SPAG16: variants seen among roughly 807,000 people sequenced by gnomAD.
SPAG16 encodes the protein sperm associated antigen 16, also known as sperm-associated antigen 16 protein.
Under a neutral mutation model 80.4 loss-of-function variants are expected in SPAG16, and 86 were observed. The observed-to-expected ratio is 1.07, with a 90% confidence interval of 0.90 to 1.28. SPAG16 has a LOEUF of 1.28. SPAG16 is among the 50% of genes most tolerant of loss of function. The pLI, the probability that SPAG16 is intolerant of heterozygous loss-of-function variation, is 0.00. For synonymous variants in SPAG16, 294 were observed against 265.9 expected (o/e 1.11, Z -1.03); for missense variants, 870 against 765.3 (o/e 1.14, Z -1.61).
At chr2:213,982,840 A>G (rs1379240543) in intron 12 of SPAG16, among the ~76,000 whole-genome samples, 2 of 152,060 alleles carry the variant, frequency 1.3e-5, no homozygotes, top group African/African-American at 4.8e-5. Flanking sequence ...ATGGAGACCA[A>G]CATAAATTTT....
intron 10 of SPAG16, among the ~76,000 whole-genome samples, chr2:213,508,291 G>A (rs968774112): frequency 5.3e-5 from 8 of 152,180 alleles, no homozygotes; most frequent in East Asian, 3.8e-4. Context: ...TGATGAGTTC[G>A]GCTGGGCGCG....
At chr2:213,613,071 G>C (rs781211037) in intron 10 of SPAG16, among the ~76,000 whole-genome samples, 13 of 152,106 alleles carry the variant, frequency 8.5e-5, no homozygotes, top group Middle Eastern at 3.2e-3. Flanking sequence ...TTTCTTCAGA[G>C]TGTATGCAGT....
intron 15 of SPAG16, among the ~76,000 whole-genome samples, chr2:214,228,179 G>A (rs1404030746): frequency 1.3e-5 from 2 of 151,876 alleles, no homozygotes; most frequent in Admixed American, 1.3e-4. Context: ...CTTTCCTTAA[G>A]AACTTAGTAC....
At chr2:213,902,752 A>G (rs1002441574) in intron 11 of SPAG16, among the ~76,000 whole-genome samples, 2 of 152,136 alleles carry the variant, frequency 1.3e-5, no homozygotes, top group Admixed American at 6.5e-5. Flanking sequence ...GCATTAACCC[A>G]AAAGTCCACA....
At chr2:214,223,058 A>G (rs2125780749) in intron 15 of SPAG16, among the ~76,000 whole-genome samples, 1 of 152,338 alleles carries the variant, frequency 6.6e-6, no homozygotes, top group East Asian at 1.9e-4. Context: ...ATTTCTTAAT[A>G]TGAAATATAT....
chr2:214,065,131 T>C (rs11884311), intron 13 of SPAG16, among the ~76,000 whole-genome samples: 4,561 of 152,134 alleles, frequency 0.03, 177 homozygotes, highest in East Asian at 0.16. Context: ...GAAGGCAGAA[T>C]AACTTATCTA....
chr2:214,204,917 T>G (rs541625489), intron 15 of SPAG16, among the ~76,000 whole-genome samples: 1 of 152,024 alleles, frequency 6.6e-6, no homozygotes, highest in Admixed American at 6.6e-5. Context: ...GAAGTCCAAA[T>G]TAATGAAATC....
intron 10 of SPAG16, among the ~76,000 whole-genome samples, chr2:213,820,305 T>C (rs2072861173): frequency 6.6e-6 from 1 of 152,168 alleles, no homozygotes. Flanking sequence ...TCAATGCCTG[T>C]AAATAGATGT....
intron 9 of SPAG16, among the ~76,000 whole-genome samples, chr2:213,473,311 A>G (rs1199062806): frequency 6.6e-6 from 1 of 152,136 alleles, no homozygotes; most frequent in Non-Finnish European, 1.5e-5. Flanking sequence ...CTGCCATCTC[A>G]GGATCCAATT....
chr2:213,381,804 C>T (rs2067187632), intron 9 of SPAG16, among the ~76,000 whole-genome samples: 1 of 152,188 alleles, frequency 6.6e-6, no homozygotes, highest in Non-Finnish European at 1.5e-5. Context: ...TTATAAACCC[C>T]TAACCAGTCA....
intron 10 of SPAG16, among the ~76,000 whole-genome samples, chr2:213,627,572 T>C (rs1234154549): frequency 6.6e-6 from 1 of 152,218 alleles, no homozygotes; most frequent in East Asian, 1.9e-4. Flanking sequence ...AATTTCAATG[T>C]GCATTATTTT....
chr2:214,047,526 T>A (rs1388639154), intron 13 of SPAG16, among the ~76,000 whole-genome samples: 2 of 152,130 alleles, frequency 1.3e-5, no homozygotes, highest in African/African-American at 4.8e-5. Flanking sequence ...TCTCTTGCCA[T>A]ACACAGAAAT....
At chr2:213,483,107 C>T (rs551479245) in intron 9 of SPAG16, among the ~76,000 whole-genome samples, 27 of 152,096 alleles carry the variant, frequency 1.8e-4, no homozygotes, top group South Asian at 6.2e-4. Context: ...TTCCTATGTC[C>T]GTATTCTTCA....
At chr2:214,286,820 G>T (rs1693401260) in intron 15 of SPAG16, among the ~76,000 whole-genome samples, 2 of 152,108 alleles carry the variant, frequency 1.3e-5, no homozygotes, top group South Asian at 2.1e-4. Context: ...GGCTGCATTA[G>T]AATCACTAAA....
Position 214,106,877 on chromosome 2 carries a change from C to T in SPAG16, c.1528-1319C>T, listed in dbSNP as rs1482752252. Among the ~76,000 whole-genome samples, 3 of 152,114 alleles carry T rather than the reference C, an allele frequency of 2.0e-5. No individual in the cohort carries two copies. The East Asian group carries it at 5.8e-4, about 29-fold the overall frequency. On this transcript the variant is annotated intron_variant, in intron 13 of 15. Transcript: ENST00000331683. ...AAACATCTACTTGGAGACATTTGCT[C>T]TAGTTTTTCTTCCTACCTGGAACAC...
At chr2:213,333,248 C>T (rs575074125) in intron 5 of SPAG16, among the ~76,000 whole-genome samples, 52 of 151,824 alleles carry the variant, frequency 3.4e-4, no homozygotes, top group Admixed American at 2.4e-3. Context: ...AGAAAGTAAT[C>T]CAACTTACAA....
intron 15 of SPAG16, among the ~76,000 whole-genome samples, chr2:214,408,217 T>C (rs1702106248): frequency 6.6e-6 from 1 of 152,190 alleles, no homozygotes; most frequent in Non-Finnish European, 1.5e-5. Flanking sequence ...TTCTTTTTCT[T>C]TATGGACTTG....
intron 6 of SPAG16, among the ~76,000 whole-genome samples, chr2:213,344,555 G>A (rs1355830960): frequency 1.3e-5 from 2 of 152,056 alleles, no homozygotes; most frequent in Admixed American, 6.6e-5. Context: ...ACAGGCCCCG[G>A]TATGTGATGT....
intron 10 of SPAG16, among the ~76,000 whole-genome samples, chr2:213,853,960 C>T (rs1389849730): frequency 6.6e-6 from 1 of 152,134 alleles, no homozygotes; most frequent in African/African-American, 2.4e-5. Flanking sequence ...CCAAGATTAG[C>T]AACTACTTTG....
Sources: gnomAD v4.1 joint callset for allele counts (sites outside exome capture counted in the v4.1 genomes callset) on GRCh38, gnomAD v4.1.1 for gene constraint, MANE v1.5 for transcripts, NCBI Gene and HGNC (gene_info 2026-07-23, HGNC 2026-07-21) for gene names.